The following PCDHGB7 variants were observed in gnomAD, a reference collection of about 807,000 sequenced individuals.
The protein encoded by PCDHGB7 is protocadherin gamma-B7.
In PCDHGB7, 37 loss-of-function variants were observed where a neutral mutation model predicts 61.4. That is an observed-to-expected ratio of 0.60 (90% confidence interval 0.46 to 0.79). The LOEUF (loss-of-function observed/expected upper bound fraction) is 0.79, where lower values mean the gene tolerates loss of function less well. PCDHGB7 is among the 30% of genes least tolerant of loss of function. PCDHGB7 has a pLI of 0.00. For synonymous variants in PCDHGB7, 464 were observed against 503.5 expected, an observed-to-expected ratio of 0.92 and a Z score of 1.05; for missense variants, 1,166 against 1,202.5, an observed-to-expected ratio of 0.97 and a Z score of 0.45.
At chr5:141,488,083 C>T (rs917074240) in intron 1 of PCDHGB7, among the ~76,000 whole-genome samples, 1 of 152,152 alleles carries the variant, frequency 6.6e-6, no homozygotes, top group African/African-American at 2.4e-5. Context: ...GTATCTAGTA[C>T]ACTGTGAAGG....
chr5:141,511,241 C>A lies in PCDHGB7; in HGVS notation c.*68C>A. On this transcript the variant is annotated 3_prime_UTR_variant, in exon 4 of 4. Coordinates refer to ENST00000398594, the MANE Select transcript of PCDHGB7 (RefSeq NM_018927.4). ...CCAGCCCAGCTTCTCCTTACCTGCA[C>A]CCAGGCCTCAGAGTTTCAGGGCTAA... 1 of 1,585,212 alleles carries A rather than the reference C, an allele frequency of 6.3e-7. No individual in the cohort carries two copies. The highest frequency in any genetic ancestry group is 8.6e-7 in the Non-Finnish European group (1 of 1,165,762).
chr5:141,469,314 C>T (rs982242861), intron 1 of PCDHGB7, among the ~76,000 whole-genome samples: 3 of 152,100 alleles, frequency 2.0e-5, no homozygotes, highest in Admixed American at 1.3e-4. Context: ...CGATGGCTCA[C>T]GCCTGTAATC....
At position 141,419,776 on chromosome 5, in the gene PCDHGB7, C is replaced by A. The variant is rs965350189; in HGVS notation, c.1917C>A (p.Arg639=). The A allele has an allele frequency of 1.9e-6, 3 of 1,613,908 alleles. No homozygotes were observed. The highest frequency in any genetic ancestry group is 2.7e-5 in the African/African-American group (2 of 74,948). Residue 639 remains arginine, a synonymous_variant, in exon 1 of 4, where the codon CGC becomes CGA. Transcript: ENST00000398594. ...CTTTGGGTGACAAGGACTCGGTCCG[C>A]CAGCGCCTGCTAGTCGCTGTAAGAG... ...VRALGDKDSV[R]QRLLVAVRDG...
In PCDHGB7 at chr5:141,490,211, ACCAGGGACAG is replaced by A. The variant is rs1259297201; in HGVS notation, c.2416-4593_2416-4584del. 1 of 1,614,212 alleles carries A rather than the reference ACCAGGGACAG, an allele frequency of 6.2e-7. No individual in the cohort carries two copies. ...TATGAAATTCATGCAAGAGCCCGTG[ACCAGGGACAG>A]CCTGCCATGGAGGGCCACTGTGTGA... is the stretch of plus-strand genomic sequence containing the variant. On this transcript the variant is annotated intron_variant, in intron 1 of 3. Transcript: ENST00000398594. The surrounding 1 kb of genome is among the most constrained non-coding windows in gnomAD (Gnocchi z 5.4).
Position 141,485,790 on chromosome 5 carries a change from C to G in PCDHGB7, c.2416-9017C>G. 6.2e-7 allele frequency: 1 copy of G among 1,614,204 alleles called. No homozygotes were observed. The highest frequency in any genetic ancestry group is 8.5e-7 in the Non-Finnish European group (1 of 1,180,032). ...AAGCCTTTGGATCGAGAGAAGCAAT[C>G]GGACTACCGCCTGGTGCTGACTGCT... On this transcript the variant is annotated intron_variant, in intron 1 of 3. Transcript: ENST00000398594. This position sits in a 1 kb window ranked among gnomAD's most constrained non-coding sequence, Gnocchi z 5.7.
At chr5:141,437,903 A>G (rs1591482477) in intron 1 of PCDHGB7, among the ~76,000 whole-genome samples, 1 of 152,064 alleles carries the variant, frequency 6.6e-6, no homozygotes, top group East Asian at 1.9e-4. Context: ...ACACCCAGCT[A>G]ATTTTTGTAT....
chr5:141,511,351 C>G lies in PCDHGB7; in HGVS notation c.*178C>G, dbSNP rs1190324197. On this transcript the variant is annotated 3_prime_UTR_variant, in exon 4 of 4. Coordinates refer to ENST00000398594, the MANE Select transcript of PCDHGB7 (RefSeq NM_018927.4). The stretch of plus-strand genomic sequence containing the variant: ...CCAGTCAGCACCTACCCCTTCCCCC[C>G]CAGGGGGTTGAATATGCAAAAGCAG... 6 of 1,386,432 alleles carry G rather than the reference C, an allele frequency of 4.3e-6. No individual in the cohort carries two copies. The highest frequency in any genetic ancestry group is 2.9e-5 in the African/African-American group (2 of 68,574). The allele number at this position is 1,386,432 out of a possible 1,614,324, so 85.9% of individuals were successfully genotyped here.
intron 1 of PCDHGB7, among the ~76,000 whole-genome samples, chr5:141,447,724 A>T (rs2098549653): frequency 6.6e-6 from 1 of 152,126 alleles, no homozygotes. Flanking sequence ...ATTTTCCAAA[A>T]CTCATTGAAC....
rs1310227506 is a variant in PCDHGB7, at chr5:141,432,214, CCAGATCACTTATTCCCTGG to C, written c.2415+11942_2415+11960del. ...ACGACCCCGACTGTGAAGAGAACGC[CCAGATCACTTATTCCCTGG>C]CTGAGAACACCATCCAAGGGGCAAG... is the stretch of plus-strand genomic sequence containing the variant. On this transcript the variant is annotated intron_variant, in intron 1 of 3. Transcript: ENST00000398594. This position sits in a 1 kb window ranked among gnomAD's most constrained non-coding sequence, Gnocchi z 6.0. 3.1e-6 allele frequency: 5 copies of C among 1,614,236 alleles called. No homozygotes were observed. The highest frequency in any genetic ancestry group is 4.2e-6 in the Non-Finnish European group (5 of 1,180,050).
chr5:141,469,226 A>G (rs998643671), intron 1 of PCDHGB7, among the ~76,000 whole-genome samples: 1 of 152,066 alleles, frequency 6.6e-6, no homozygotes, highest in Non-Finnish European at 1.5e-5. Context: ...TCAGTGAGCC[A>G]TGATCACCCC....
At chr5:141,426,925 A>G in intron 1 of PCDHGB7, 1 of 456,756 alleles carries the variant, frequency 2.2e-6, no homozygotes, top group Non-Finnish European at 4.4e-6. Flanking sequence ...GAAGCAATGG[A>G]CATGGGTGAC....
chr5:141,420,005 C>T lies in PCDHGB7; in HGVS notation c.2146C>T (p.Arg716Ter). The change falls in exon 1 of 4, where the codon CGA becomes TGA. Residue 716 changes from arginine to a stop codon, truncating the protein, a stop_gained. Coordinates refer to ENST00000398594, the MANE Select transcript of PCDHGB7 (RefSeq NM_018927.4). LOFTEE classifies it high-confidence loss of function. The stretch of plus-strand genomic sequence containing the variant: ...GATTCTAGCTATTGCTCTACGCCTG[C>T]GACAGTCTTTCAGCCCTACTGCAGG... ...AVILAIALRLRQSFSPTAGDC... is the reference protein window; with the variant it reads ...AVILAIALRL 1.2e-6 allele frequency: 2 copies of T among 1,614,056 alleles called. No homozygotes were observed. The highest frequency in any genetic ancestry group is 1.7e-6 in the Non-Finnish European group (2 of 1,179,896).
At chr5:141,438,996 A>G (rs2098080427) in intron 1 of PCDHGB7, among the ~76,000 whole-genome samples, 1 of 151,634 alleles carries the variant, frequency 6.6e-6, no homozygotes, top group African/African-American at 2.4e-5. Flanking sequence ...AAGGCTAAGG[A>G]CCTGGTTTGT....
Position 141,423,691 on chromosome 5 carries a change from T to C in PCDHGB7, c.2415+3417T>C. On this transcript the variant is annotated intron_variant, in intron 1 of 3. Coordinates refer to ENST00000398594, the MANE Select transcript of PCDHGB7 (RefSeq NM_018927.4). Reference sequence around the variant, plus strand: ...ATTTATTTCTCTGCCTCCTAATTGTTGGTGTCTTGGCACAAGTCTTTTAAG... The same window carrying C: ...ATTTATTTCTCTGCCTCCTAATTGTCGGTGTCTTGGCACAAGTCTTTTAAG... 5 of 1,506,830 alleles carry C rather than the reference T, an allele frequency of 3.3e-6. No individual in the cohort carries two copies. The South Asian group carries it at 6.9e-5, about 21-fold the overall frequency. 93.3% of individuals were successfully genotyped at this position (1,506,830 alleles called of 1,614,324 possible).
At chr5:141,427,480 A>G in intron 1 of PCDHGB7, 1 of 531,758 alleles carries the variant, frequency 1.9e-6, no homozygotes, top group South Asian at 1.5e-5. Context: ...GCCAATAATG[A>G]CTATAAGCTT....
At chr5:141,426,693 A>G (rs62378458) in intron 1 of PCDHGB7, 1 of 435,784 alleles carries the variant, frequency 2.3e-6, no homozygotes, top group African/African-American at 2.0e-5. Flanking sequence ...CCAAAATAGC[A>G]TTGTTTTACA....
At chr5:141,446,493 T>C (rs1416449558) in intron 1 of PCDHGB7, among the ~76,000 whole-genome samples, 2 of 152,152 alleles carry the variant, frequency 1.3e-5, no homozygotes. Flanking sequence ...TTTTTTTTTT[T>C]TGAGATGGAG....
intron 1 of PCDHGB7, among the ~76,000 whole-genome samples, chr5:141,435,710 C>T (rs1033703743): frequency 1.3e-5 from 2 of 152,148 alleles, no homozygotes; most frequent in Admixed American, 6.5e-5. Flanking sequence ...TGGTTACAGA[C>T]ACTGAATGCT....
rs1408248560 is a variant in PCDHGB7 at position 141,475,829 on chromosome 5, G to C, written c.2416-18978G>C. On this transcript the variant is annotated intron_variant, in intron 1 of 3. Coordinates refer to ENST00000398594, the MANE Select transcript of PCDHGB7 (RefSeq NM_018927.4). ...AAAGTGAAGTTCCTGGCGCTAGCGC[G>C]TGTCCTGCTCAGAGAGCCCGGCGCT... The C allele has an allele frequency of 1.0e-5, 4 of 386,748 alleles. No individual in the cohort carries two copies. In the South Asian group the frequency reaches 1.4e-4, roughly 14 times the overall value. The allele number at this position is 386,748 out of a possible 1,614,324, so 24.0% of individuals were successfully genotyped here. A position where few individuals can be genotyped will look rare whatever the true frequency, so the allele number is the denominator to read the frequency against.
Sources: gnomAD v4.1 joint callset for allele counts (sites outside exome capture counted in the v4.1 genomes callset) on GRCh38, gnomAD v4.1.1 for gene constraint, Gnocchi (gnomAD v3.1) non-coding constraint, MANE v1.5 for transcripts, NCBI Gene and HGNC (gene_info 2026-07-23, HGNC 2026-07-21) for gene names.